ST6GALNAC5: variants seen among roughly 807,000 people sequenced by gnomAD.
The protein encoded by ST6GALNAC5 is ST6 N-acetylgalactosaminide alpha-2,6-sialyltransferase 5.
ST6GALNAC5 carries 27 observed loss-of-function variants against 33.6 expected under a neutral mutation model. That is an observed-to-expected ratio of 0.80 (90% CI 0.59 to 1.11). The LOEUF is 1.11. Among genes scored for constraint, ST6GALNAC5 ranks in the 50% least tolerant of loss-of-function variants. ST6GALNAC5 has a pLI of 0.00. For missense variants in ST6GALNAC5, 428 were observed against 454.0 expected (o/e 0.94, Z 0.52); for synonymous variants, 194 against 171.2 (o/e 1.13, Z -1.04).
chr1:76,959,685 C>A (rs187476745), intron 2 of ST6GALNAC5, among the ~76,000 whole-genome samples: 1 of 152,184 alleles, frequency 6.6e-6, no homozygotes, highest in African/African-American at 2.4e-5. Flanking sequence ...CAAGGACCAA[C>A]GGCCCATCAA....
intron 2 of ST6GALNAC5, among the ~76,000 whole-genome samples, chr1:76,983,225 TAA>T (rs767163985): frequency 6.6e-6 from 1 of 152,232 alleles, no homozygotes; most frequent in African/African-American, 2.4e-5. Flanking sequence ...GCAAATTGGA[TAA>T]AGAGTCAAGA....
At chr1:76,896,516 T>G (rs1426052467) in intron 2 of ST6GALNAC5, among the ~76,000 whole-genome samples, 1 of 152,134 alleles carries the variant, frequency 6.6e-6, no homozygotes, top group African/African-American at 2.4e-5. Context: ...GTGTGGCGAT[T>G]AGGCCTGGTG....
At chr1:76,953,680 T>A (rs1647840959) in intron 2 of ST6GALNAC5, among the ~76,000 whole-genome samples, 1 of 152,172 alleles carries the variant, frequency 6.6e-6, no homozygotes, top group Admixed American at 6.6e-5. Flanking sequence ...CAAATGTTGA[T>A]AAATCATATA....
chr1:76,983,419 A>G (rs751168828), intron 2 of ST6GALNAC5, among the ~76,000 whole-genome samples: 51 of 152,046 alleles, frequency 3.4e-4, no homozygotes, highest in Non-Finnish European at 6.9e-4. Context: ...GACAAAGAAC[A>G]CCATTACATA....
At chr1:77,006,104 A>T (rs996119625) in intron 2 of ST6GALNAC5, among the ~76,000 whole-genome samples, 2 of 151,816 alleles carry the variant, frequency 1.3e-5, no homozygotes, top group Non-Finnish European at 2.9e-5. Context: ...TGTTTAATTT[A>T]TTGAGGAATT....
chr1:76,977,877 T>A (rs1273531125), intron 2 of ST6GALNAC5, among the ~76,000 whole-genome samples: 1 of 152,214 alleles, frequency 6.6e-6, no homozygotes, highest in Non-Finnish European at 1.5e-5. Context: ...AGTTCTATTT[T>A]TAATTGTTTG....
intron 2 of ST6GALNAC5, among the ~76,000 whole-genome samples, chr1:77,026,366 G>C (rs114456777): frequency 6.6e-6 from 1 of 152,136 alleles, no homozygotes; most frequent in African/African-American, 2.4e-5. Context: ...GGCACAGCAC[G>C]GCCAATTGCA....
At chr1:77,039,959 A>G (rs1454775645) in intron 2 of ST6GALNAC5, among the ~76,000 whole-genome samples, 3 of 152,232 alleles carry the variant, frequency 2.0e-5, no homozygotes, top group African/African-American at 7.2e-5. Flanking sequence ...TGAATGCTTA[A>G]GGGAAGAACA....
intron 2 of ST6GALNAC5, among the ~76,000 whole-genome samples, chr1:76,928,578 T>C (rs1647107469): frequency 6.6e-6 from 1 of 152,144 alleles, no homozygotes. Flanking sequence ...TTCATTTACA[T>C]CAGATGAGTG....
chr1:77,057,626 G>A (rs1199206942), intron 4 of ST6GALNAC5, among the ~76,000 whole-genome samples: 4 of 152,124 alleles, frequency 2.6e-5, no homozygotes, highest in South Asian at 2.1e-4. Flanking sequence ...CATTTCCTCC[G>A]GATATATGGA....
chr1:76,991,344 C>T (rs971831585), intron 2 of ST6GALNAC5, among the ~76,000 whole-genome samples: 1 of 152,160 alleles, frequency 6.6e-6, no homozygotes, highest in Non-Finnish European at 1.5e-5. Context: ...ATATCAATTA[C>T]AAGGTGAATT....
chr1:76,974,598 T>C (rs1023047391), intron 2 of ST6GALNAC5, among the ~76,000 whole-genome samples: 1 of 151,730 alleles, frequency 6.6e-6, no homozygotes, highest in Admixed American at 6.6e-5. Context: ...ATTTTATTAT[T>C]TTTGTTGCTG....
At position 77,051,540 on chromosome 1, in the gene ST6GALNAC5, T is replaced by G. The variant is rs560666116; in HGVS notation, c.779+1175T>G. 3.9e-5 allele frequency among the ~76,000 whole-genome samples: 6 copies of G among 152,278 alleles called. No homozygotes were observed. The South Asian group carries it at 1.2e-3, about 32-fold the overall frequency. On this transcript the variant is annotated intron_variant, in intron 4 of 4. Transcript: ENST00000477717. ...CAGCTTCCTCATCCATAGACGTGGA[T>G]GTGATAGTAATAGACTCTGCCTCAA...
rs1480750581 is a variant in ST6GALNAC5, at chr1:76,868,590, C to G, written c.109C>G (p.Pro37Ala). Residue 37 changes from proline (P) to alanine (A), a missense_variant, in exon 2 of 5, where the codon CCG becomes GCG. Coordinates refer to ENST00000477717, the MANE Select transcript of ST6GALNAC5 (RefSeq NM_030965.3). The surrounding 1 kb of genome is among the most constrained non-coding windows in gnomAD (Gnocchi z 4.3). ...SSLGGQKERP[P>A]QQQQQQQQQQ... ...CCTCGGCGGCCAGAAGGAGCGGCCC[C>G]CGCAGCAGCAGCAGCAGCAGCAGCA... The G allele has an allele frequency of 1.2e-6, 2 of 1,611,288 alleles. No individual in the cohort carries two copies. Among genetic ancestry groups the G allele is most frequent in the Admixed American group, 3.3e-5 (2 of 59,958 alleles).
chr1:77,027,987 C>A (rs1247199211), intron 2 of ST6GALNAC5, among the ~76,000 whole-genome samples: 1 of 152,198 alleles, frequency 6.6e-6, no homozygotes, highest in African/African-American at 2.4e-5. Flanking sequence ...ATCACATCAG[C>A]CCCGAGTGCA....
At chr1:77,015,060 C>T (rs56271431) in intron 2 of ST6GALNAC5, among the ~76,000 whole-genome samples, 2 of 117,210 alleles carry the variant, frequency 1.7e-5, no homozygotes, top group African/African-American at 9.0e-5. Flanking sequence ...AACACACACA[C>T]ACACACACAC....
intron 2 of ST6GALNAC5, among the ~76,000 whole-genome samples, chr1:76,963,679 C>T (rs1648339894): frequency 6.6e-6 from 1 of 152,152 alleles, no homozygotes; most frequent in African/African-American, 2.4e-5. Flanking sequence ...TGTCCATTTC[C>T]ACCTCTACAT....
intron 2 of ST6GALNAC5, among the ~76,000 whole-genome samples, chr1:76,881,891 T>C (rs1228998056): frequency 6.6e-6 from 1 of 152,204 alleles, no homozygotes; most frequent in Non-Finnish European, 1.5e-5. Context: ...TCAAAAGGAA[T>C]TCCAGAGTGG....
chr1:76,960,790 G>C (rs1459362941), intron 2 of ST6GALNAC5, among the ~76,000 whole-genome samples: 4 of 152,106 alleles, frequency 2.6e-5, no homozygotes, highest in Non-Finnish European at 4.4e-5. Context: ...GCTCACCAGC[G>C]GTCAGAGTTT....
Sources: gnomAD v4.1 joint callset for allele counts (sites outside exome capture counted in the v4.1 genomes callset) on GRCh38, gnomAD v4.1.1 for gene constraint, Gnocchi (gnomAD v3.1) non-coding constraint, MANE v1.5 for transcripts, NCBI Gene and HGNC (gene_info 2026-07-23, HGNC 2026-07-21) for gene names.